Variants in DDX11 observed in about 807,000 individuals in gnomAD.
The protein encoded by DDX11 is ATP-dependent DNA helicase DDX11.
DDX11 carries 72 observed loss-of-function variants against 125.2 expected under a neutral mutation model. The observed-to-expected ratio is 0.58, with a 90% CI of 0.48 to 0.70. DDX11 has a LOEUF of 0.70. Ranked by LOEUF, DDX11 falls within the 30% of genes least tolerant of loss-of-function variation. The probability of loss-of-function intolerance (pLI) is 0.00; values close to 1 mark genes in which losing one functional copy is unlikely to be tolerated. For synonymous variants in DDX11, 347 were observed against 452.6 expected (o/e 0.77, Z 2.96); for missense variants, 883 against 1,165.0 (o/e 0.76, Z 3.52).
chr12:31,078,889 G>A (rs1008915737), intron 2 of DDX11, among the ~76,000 whole-genome samples: 1 of 152,032 alleles, frequency 6.6e-6, no homozygotes, highest in Non-Finnish European at 1.5e-5. Context: ...GGGTTTCACC[G>A]TGTTAGCCAG....
At chr12:31,084,501 C>T (rs1226585307) in intron 3 of DDX11, 82 bp from the exon 4 acceptor site, 23 of 1,270,148 alleles carry the variant, frequency 1.8e-5, no homozygotes, top group East Asian at 7.6e-5. Context: ...GAGGAGGCGC[C>T]GGGCTGAGTG....
At chr12:31,099,322 G>A (rs1171840037) in intron 18 of DDX11, among the ~76,000 whole-genome samples, 1 of 151,876 alleles carries the variant, frequency 6.6e-6, no homozygotes, top group African/African-American at 2.4e-5. Context: ...CAGGTGATCC[G>A]CCAGCCTTGG....
chr12:31,091,333 G>T (rs1261405583), intron 9 of DDX11: 111 of 193,772 alleles, frequency 5.7e-4, no homozygotes, highest in Non-Finnish European at 7.2e-4. Context: ...CTCTTCCAGA[G>T]TCACACAGCT....
intron 2 of DDX11, among the ~76,000 whole-genome samples, chr12:31,080,729 T>C (rs1001673438): frequency 3.3e-5 from 5 of 152,184 alleles, no homozygotes; most frequent in Admixed American, 1.3e-4. Flanking sequence ...GGAACACAGA[T>C]GAGTGCATGT....
At chr12:31,085,440 G>A (rs776703598) in intron 5 of DDX11, among the ~76,000 whole-genome samples, 13 of 152,358 alleles carry the variant, frequency 8.5e-5, no homozygotes, top group East Asian at 5.8e-4. Flanking sequence ...CACAAGCCTC[G>A]GCAGTGGAGA....
chr12:31,083,804 T>A lies in DDX11; in HGVS notation c.145-9T>A. The stretch of plus-strand genomic sequence containing the variant: ...TTCCTGTTTCTAAAGATCATTTTTC[T>A]TCCTGCAGGGGAAGTCCTTAAGTCT... On this transcript the variant is annotated splice_polypyrimidine_tract_variant and intron_variant, in intron 2 of 26. Transcript: ENST00000542838. 6.2e-7 allele frequency: 1 copy of A among 1,611,940 alleles called. No individual in the cohort carries two copies. Among genetic ancestry groups the A allele is most frequent in the East Asian group, 2.2e-5 (1 of 44,882 alleles).
intron 3 of DDX11, 64 bp downstream of exon 3, chr12:31,084,125 G>A: frequency 1.3e-6 from 2 of 1,598,838 alleles, no homozygotes; most frequent in Non-Finnish European, 8.6e-7. Context: ...GATTGTTCTG[G>A]GGCGATTCCG....
chr12:31,101,389 A>G (rs28456166), intron 20 of DDX11: 287,699 of 561,868 alleles, frequency 0.51, 77,488 homozygotes, highest in East Asian at 0.84. Context: ...GACGCCTCAC[A>G]CAGGAGAAAG....
intron 18 of DDX11, among the ~76,000 whole-genome samples, chr12:31,099,976 T>C (rs1401404647): frequency 6.6e-6 from 1 of 152,246 alleles, no homozygotes; most frequent in Non-Finnish European, 1.5e-5. Context: ...GTCAGTTGTC[T>C]GACCATCGCT....
rs750194173 is a variant in DDX11, at chr12:31,094,618, G to T, written c.1398G>T (p.Gln466His). The T allele has an allele frequency of 7.0e-6, 11 of 1,573,944 alleles. No individual in the cohort carries two copies. The highest frequency in any genetic ancestry group is 9.5e-6 in the Non-Finnish European group (11 of 1,160,906). ...GGNIKQNPNT[Q>H]SLSQTGTELK... ...ACATTAAGCAAAATCCCAATACACA[G>T]AGTCTGTCACAGACAGGTAAGAGAG... Residue 466 changes from glutamine (Q) to histidine (H), a missense_variant, in exon 13 of 27, where the codon CAG (glutamine) becomes CAT (histidine). Gln to His is a conservative substitution (Grantham distance 24). Coordinates refer to ENST00000542838, the MANE Select transcript of DDX11 (RefSeq NM_030653.4).
chr12:31,092,598 T>G lies in DDX11; in HGVS notation c.1243-248T>G, dbSNP rs184688680. ...CAGGGAGATTCCATACTTGAGGAAT[T>G]CAGCCTCTTGCTTTTTCTCTGACCC... On this transcript the variant is annotated intron_variant, in intron 10 of 26. Coordinates refer to ENST00000542838, the MANE Select transcript of DDX11 (RefSeq NM_030653.4). Among the ~76,000 whole-genome samples the G allele has an allele frequency of 3.2e-4, 49 of 152,158 alleles. 1 individual carries two copies. Among genetic ancestry groups the G allele is most frequent in the African/African-American group, 1.2e-3 (49 of 41,494 alleles).
intron 6 of DDX11, among the ~76,000 whole-genome samples, chr12:31,088,189 C>T (rs1471536937): frequency 6.6e-6 from 1 of 152,144 alleles, no homozygotes; most frequent in Non-Finnish European, 1.5e-5. Context: ...CTGGAGTCCT[C>T]TCCTGGGGTC....
At chr12:31,094,026 A>G (rs1443578841) in intron 12 of DDX11, among the ~76,000 whole-genome samples, 1 of 151,654 alleles carries the variant, frequency 6.6e-6, no homozygotes, top group African/African-American at 2.4e-5. Flanking sequence ...TGATAGACGC[A>G]TAAACTAGAG....
intron 12 of DDX11, chr12:31,094,282 G>A: frequency 2.6e-6 from 1 of 386,022 alleles, no homozygotes; most frequent in Non-Finnish European, 5.0e-6. Flanking sequence ...CAGCTCCTCT[G>A]TGCTCCGGTG....
In DDX11 at chr12:31,083,930, A is replaced by C; in HGVS notation, c.262A>C (p.Lys88Gln). ...TGGAACTGGCCCCTTACATGATGAGAAAGATGAATCCCTGTGTCTGTCTTC... is the reference window on the plus strand; with the variant it reads ...TGGAACTGGCCCCTTACATGATGAGCAAGATGAATCCCTGTGTCTGTCTTC... ...ETGTGPLHDEKDESLCLSSSC... is the reference protein window; with the variant it reads ...ETGTGPLHDEQDESLCLSSSC... The change falls in exon 3 of 27, where the codon AAA (lysine) becomes CAA (glutamine). Residue 88 changes from lysine to glutamine, a missense_variant. This residue lies in a region of DDX11 where 283 missense variants were observed against 359.6 expected (regional missense o/e 0.79). Coordinates refer to ENST00000542838, the MANE Select transcript of DDX11 (RefSeq NM_030653.4). 6.2e-7 allele frequency: 1 copy of C among 1,613,924 alleles called. No homozygotes were observed. Among genetic ancestry groups the C allele is most frequent in the Non-Finnish European group, 8.5e-7 (1 of 1,179,864 alleles).
Position 31,102,952 on chromosome 12 carries a change from G to A in DDX11, c.2389G>A (p.Gly797Ser). ...DNLGRCVVMV[G>S]MPFPNIRSAE... The stretch of plus-strand genomic sequence containing the variant: ...CCCGCCCAGGTGTGTGGTGATGGTG[G>A]GCATGCCCTTCCCCAACATCAGGTC... Residue 797 changes from glycine to serine, a missense_variant, in exon 24 of 27, where the codon GGC (glycine) becomes AGC (serine). This residue lies in a region of DDX11 where 285 missense variants were observed against 346.0 expected (regional missense o/e 0.82). Transcript: ENST00000542838. The A allele has an allele frequency of 1.2e-6, 2 of 1,613,960 alleles. No homozygotes were observed. The highest frequency in any genetic ancestry group is 1.7e-6 in the Non-Finnish European group (2 of 1,179,844).
chr12:31,092,878 C>T lies in DDX11; in HGVS notation c.1275C>T (p.Tyr425=), dbSNP rs1251824258. ...AGGCCCATTCCCAGCTGCTGCAGTA[C>T]GTGGAGCGATACGGGTGAGATGTGA... The part of the protein sequence containing the change: ...LCQAHSQLLQ[Y]VERYGKRLKA... Residue 425 remains tyrosine, a synonymous_variant, in exon 11 of 27, where the codon TAC becomes TAT. Coordinates refer to ENST00000542838, the MANE Select transcript of DDX11 (RefSeq NM_030653.4). 1.9e-6 allele frequency: 3 copies of T among 1,613,906 alleles called. No individual in the cohort carries two copies. Among genetic ancestry groups the T allele is most frequent in the African/African-American group, 1.3e-5 (1 of 74,938 alleles).
rs1244993474 is a variant in DDX11, at chr12:31,092,770, T to A, written c.1243-76T>A. Reference sequence around the variant, plus strand: ...TTCCTGTGTGTCCAGGGCCAGCATCTTCTAGGTGAATCTAAGATGTCAGTA... The same window carrying A: ...TTCCTGTGTGTCCAGGGCCAGCATCATCTAGGTGAATCTAAGATGTCAGTA... On this transcript the variant is annotated intron_variant, in intron 10 of 26. Coordinates refer to ENST00000542838, the MANE Select transcript of DDX11 (RefSeq NM_030653.4). 2.0e-6 allele frequency: 3 copies of A among 1,484,892 alleles called. No homozygotes were observed. The African/African-American group carries it at 4.2e-5, about 21-fold the overall frequency. 92.0% of individuals were successfully genotyped at this position (1,484,892 alleles called of 1,614,324 possible).
Position 31,102,531 on chromosome 12 carries a change from A to G in DDX11, c.2372+4A>G. The G allele has an allele frequency of 6.2e-7, 1 of 1,612,678 alleles. No individual in the cohort carries two copies. Among genetic ancestry groups the G allele is most frequent in the Non-Finnish European group, 8.5e-7 (1 of 1,178,740 alleles). ...ACTTCTCTGACAACCTAGGCCGGTA[A>G]GTAGTGGTTCTGCTCGTCTCCTGGG... is the stretch of plus-strand genomic sequence containing the variant. On this transcript the variant is annotated splice_donor_region_variant and intron_variant, in intron 23 of 26. Coordinates refer to ENST00000542838, the MANE Select transcript of DDX11 (RefSeq NM_030653.4).
Sources: gnomAD v4.1 joint callset for allele counts (sites outside exome capture counted in the v4.1 genomes callset) on GRCh38, gnomAD v4.1.1 for gene constraint, gnomAD v4.1.1 regional missense constraint, MANE v1.5 for transcripts, NCBI Gene and HGNC (gene_info 2026-07-23, HGNC 2026-07-21) for gene names.